The following PRKACB variants were observed in gnomAD, a reference collection of about 807,000 sequenced individuals.
PRKACB encodes cAMP-dependent protein kinase catalytic subunit beta.
In PRKACB, 16 loss-of-function variants were observed where a neutral mutation model predicts 51.4. The ratio of observed to expected loss-of-function variants is 0.31; its 90% confidence interval spans 0.21 to 0.47. The LOEUF is 0.47. Among genes scored for constraint, PRKACB ranks in the 20% least tolerant of loss-of-function variants. The pLI, the probability that PRKACB is intolerant of heterozygous loss-of-function variation, is 1.00. For missense variants in PRKACB, 309 were observed against 464.5 expected (o/e 0.67, Z 3.08); for synonymous variants, 147 against 154.4 (o/e 0.95, Z 0.35).
intron 8 of PRKACB, among the ~76,000 whole-genome samples, chr1:84,208,024 C>T (rs900540593): frequency 5.9e-5 from 9 of 152,182 alleles, no homozygotes; most frequent in East Asian, 3.9e-4. Flanking sequence ...TGTGCCACCA[C>T]GCCCGGCTAA....
intron 1 of PRKACB, among the ~76,000 whole-genome samples, chr1:84,176,166 A>G (rs1048534492): frequency 3.3e-5 from 5 of 151,850 alleles, no homozygotes; most frequent in African/African-American, 4.8e-5. Flanking sequence ...TGGCTTATAT[A>G]TTAGAACACA....
At chr1:84,186,862 C>T (rs1268021723) in intron 5 of PRKACB, among the ~76,000 whole-genome samples, 1 of 152,056 alleles carries the variant, frequency 6.6e-6, no homozygotes, top group Non-Finnish European at 1.5e-5. Flanking sequence ...GGAGTCCAGC[C>T]AGCATCGAGT....
chr1:84,207,755 A>C (rs1671554830), intron 8 of PRKACB, among the ~76,000 whole-genome samples: 1 of 152,220 alleles, frequency 6.6e-6, no homozygotes. Context: ...ATTGCAGAAT[A>C]GCAGTAAGAT....
chr1:84,174,188 C>T (rs545167753), intron 1 of PRKACB, among the ~76,000 whole-genome samples: 7 of 151,864 alleles, frequency 4.6e-5, no homozygotes, highest in African/African-American at 1.4e-4. Flanking sequence ...TACATGTCCC[C>T]GATGCTGCAG....
intron 8 of PRKACB, among the ~76,000 whole-genome samples, chr1:84,206,501 G>A (rs1389727254): frequency 6.6e-6 from 1 of 152,124 alleles, no homozygotes; most frequent in Non-Finnish European, 1.5e-5. Context: ...AAGTCCAGAA[G>A]ACACCAGGCA....
intron 1 of PRKACB, among the ~76,000 whole-genome samples, chr1:84,109,608 A>G (rs1461396602): frequency 2.6e-5 from 4 of 151,928 alleles, no homozygotes; most frequent in African/African-American, 9.7e-5. Context: ...ATGTTCCCAT[A>G]CACGATTGAA....
At chr1:84,112,566 G>T (rs1650327797) in intron 1 of PRKACB, among the ~76,000 whole-genome samples, 1 of 151,984 alleles carries the variant, frequency 6.6e-6, no homozygotes, top group Non-Finnish European at 1.5e-5. Context: ...TGCCTCATTT[G>T]GTTCCTGGCT....
chr1:84,170,241 G>T (rs540978524), intron 1 of PRKACB, among the ~76,000 whole-genome samples: 1 of 151,556 alleles, frequency 6.6e-6, no homozygotes, highest in African/African-American at 2.4e-5. Context: ...TACAGTTTAG[G>T]ATTTCTTAGC....
chr1:84,097,397 T>G (rs575854613), intron 1 of PRKACB, among the ~76,000 whole-genome samples: 3 of 152,056 alleles, frequency 2.0e-5, no homozygotes, highest in Non-Finnish European at 4.4e-5. Flanking sequence ...TAGGAGAGTT[T>G]CCATTGCCCC....
chr1:84,158,106 C>T (rs1384141045), intron 1 of PRKACB, among the ~76,000 whole-genome samples: 2 of 151,626 alleles, frequency 1.3e-5, no homozygotes, highest in African/African-American at 4.8e-5. Flanking sequence ...AACAAAGTCT[C>T]ACTCTGTCAC....
intron 1 of PRKACB, among the ~76,000 whole-genome samples, chr1:84,097,400 A>G (rs186031958): frequency 9.3e-4 from 141 of 152,050 alleles, no homozygotes; most frequent in African/African-American, 3.2e-3. Context: ...GAGAGTTTCC[A>G]TTGCCCCACA....
At chr1:84,083,936 G>A (rs1293550508) in intron 1 of PRKACB, among the ~76,000 whole-genome samples, 2 of 152,108 alleles carry the variant, frequency 1.3e-5, no homozygotes, top group Admixed American at 6.5e-5. Flanking sequence ...CTCTACACAA[G>A]ACTATGGGAA....
At chr1:84,123,766 T>C (rs1651295972) in intron 1 of PRKACB, among the ~76,000 whole-genome samples, 1 of 152,194 alleles carries the variant, frequency 6.6e-6, no homozygotes, top group Non-Finnish European at 1.5e-5. Context: ...ATTTACTTCA[T>C]GTGAAACACT....
chr1:84,218,913 G>A (rs1018148636), intron 9 of PRKACB, among the ~76,000 whole-genome samples: 4 of 152,052 alleles, frequency 2.6e-5, no homozygotes, highest in Admixed American at 2.6e-4. Context: ...ATTTTTTCAT[G>A]TACCTGTTGG....
intron 1 of PRKACB, among the ~76,000 whole-genome samples, chr1:84,154,841 T>C (rs1481713458): frequency 1.3e-5 from 2 of 152,142 alleles, no homozygotes; most frequent in Non-Finnish European, 2.9e-5. Flanking sequence ...TTAACATTCT[T>C]TTATGATGGA....
chr1:84,191,721 G>C (rs1666844810), intron 5 of PRKACB, among the ~76,000 whole-genome samples: 1 of 152,038 alleles, frequency 6.6e-6, no homozygotes, highest in African/African-American at 2.4e-5. Context: ...AAATTACCCA[G>C]TGGGTGCTAT....
chr1:84,143,405 C>T (rs555810673), upstream of PRKACB, among the ~76,000 whole-genome samples: 5 of 151,946 alleles, frequency 3.3e-5, no homozygotes, highest in South Asian at 2.1e-4. Flanking sequence ...GAGCAGAGGT[C>T]GCACCACTGC....
At chr1:84,133,849 T>C (rs183286002) in intron 1 of PRKACB, among the ~76,000 whole-genome samples, 1 of 147,278 alleles carries the variant, frequency 6.8e-6, no homozygotes, top group Admixed American at 6.8e-5. Flanking sequence ...CATCCATGGA[T>C]GGCTTAAGTG....
At chr1:84,216,449 C>T (rs895649689) in intron 9 of PRKACB, among the ~76,000 whole-genome samples, 2 of 152,136 alleles carry the variant, frequency 1.3e-5, no homozygotes, top group African/African-American at 4.8e-5. Context: ...GCAATACAGC[C>T]TATCTCACAA....
Sources: allele counts gnomAD v4.1 joint callset (sites outside exome capture counted in the v4.1 genomes callset), GRCh38; gene constraint gnomAD v4.1.1; transcripts MANE v1.5; gene names NCBI Gene and HGNC (gene_info 2026-07-23, HGNC 2026-07-21).